Variants in LRBA observed in about 807,000 individuals in gnomAD.
LRBA encodes lipopolysaccharide-responsive and beige-like anchor protein.
In LRBA, 176 loss-of-function variants were observed where a neutral mutation model predicts 330.0. The ratio of observed to expected loss-of-function variants is 0.53; its 90% CI spans 0.47 to 0.60. The LOEUF is 0.60. LRBA is among the 20% of genes least tolerant of loss of function. LRBA has a pLI of 0.00. For synonymous variants in LRBA, 1,230 were observed against 1,193.0 expected, an observed-to-expected ratio of 1.03 and a Z score of -0.64; for missense variants, 3,259 against 3,444.8, an observed-to-expected ratio of 0.95 and a Z score of 1.35.
chr4:150,335,284 T>C (rs143258089), intron 48 of LRBA, among the ~76,000 whole-genome samples: 3 of 151,716 alleles, frequency 2.0e-5, no homozygotes, highest in Non-Finnish European at 4.4e-5. Flanking sequence ...TTAAAATGAG[T>C]TGAATACACC....
At chr4:150,429,200 G>T (rs1750043533) in intron 46 of LRBA, among the ~76,000 whole-genome samples, 1 of 151,950 alleles carries the variant, frequency 6.6e-6, no homozygotes, top group African/African-American at 2.4e-5. Context: ...TTTAAATAGG[G>T]AGGAGAGAGA....
At chr4:150,646,959 T>C (rs906661086) in intron 37 of LRBA, among the ~76,000 whole-genome samples, 5 of 152,034 alleles carry the variant, frequency 3.3e-5, no homozygotes, top group African/African-American at 1.2e-4. Flanking sequence ...AGAAAAGAGA[T>C]ATTCAGTGTG....
intron 33 of LRBA, among the ~76,000 whole-genome samples, chr4:150,801,576 C>T (rs150977883): frequency 1.8e-3 from 273 of 152,268 alleles, no homozygotes; most frequent in African/African-American, 6.0e-3. Context: ...TGCACACCTG[C>T]CTTTAGCATT....
chr4:150,759,474 C>A (rs1734769910), intron 35 of LRBA, among the ~76,000 whole-genome samples: 1 of 152,174 alleles, frequency 6.6e-6, no homozygotes, highest in Non-Finnish European at 1.5e-5. Flanking sequence ...CTTTTCCATA[C>A]ATGCCCCTTT....
chr4:150,403,995 G>A (rs1745833972), intron 47 of LRBA, among the ~76,000 whole-genome samples: 1 of 152,086 alleles, frequency 6.6e-6, no homozygotes, highest in Non-Finnish European at 1.5e-5. Context: ...TTGTGCCACT[G>A]TACTCCAGCC....
At chr4:150,832,906 A>T (rs986120253) in intron 28 of LRBA, among the ~76,000 whole-genome samples, 2 of 152,092 alleles carry the variant, frequency 1.3e-5, no homozygotes, top group African/African-American at 4.8e-5. Context: ...AGTAGCTAGG[A>T]CTACAAGAAT....
intron 33 of LRBA, 86 bp from the exon 34 acceptor site, chr4:150,798,228 T>C: frequency 1.1e-6 from 1 of 887,628 alleles, no homozygotes; most frequent in Non-Finnish European, 1.9e-6. Context: ...TTTCTTCAAA[T>C]TATTTTTTCA....
chr4:150,621,288 T>A (rs1056648171), intron 37 of LRBA, among the ~76,000 whole-genome samples: 28 of 152,188 alleles, frequency 1.8e-4, no homozygotes, highest in Admixed American at 3.9e-4. Context: ...TAAGCTAATT[T>A]TTTTAACTTT....
intron 31 of LRBA, among the ~76,000 whole-genome samples, chr4:150,811,102 C>A (rs1560852145): frequency 6.6e-6 from 1 of 152,302 alleles, no homozygotes; most frequent in Middle Eastern, 3.4e-3. Flanking sequence ...CAGTAAAGTA[C>A]TTCACAGACC....
chr4:150,315,548 G>A lies in LRBA; in HGVS notation c.7693+13C>T, dbSNP rs573353661. 5.0e-5 allele frequency: 81 copies of A among 1,609,052 alleles called. 1 individual carries two copies. The South Asian group carries it at 7.5e-4, about 15-fold the overall frequency. ...AGCTTAATGAATCGCAAAGAGAGAAGGAAGTGACAGACCTATGAGAGGATC... is the reference window on the plus strand; with the variant it reads ...AGCTTAATGAATCGCAAAGAGAGAAAGAAGTGACAGACCTATGAGAGGATC... On this transcript the variant is annotated intron_variant, in intron 51 of 56. Transcript: ENST00000651943.
At chr4:150,406,632 T>C (rs753332024) in intron 47 of LRBA, among the ~76,000 whole-genome samples, 5 of 152,180 alleles carry the variant, frequency 3.3e-5, no homozygotes, top group Non-Finnish European at 7.3e-5. Context: ...GGTTAATTTA[T>C]CAGGAAGACA....
At chr4:150,887,288 T>G (rs1007255734) in intron 17 of LRBA, among the ~76,000 whole-genome samples, 1 of 152,104 alleles carries the variant, frequency 6.6e-6, no homozygotes, top group African/African-American at 2.4e-5. Context: ...AAGATCAAGT[T>G]TATTATACAT....
intron 17 of LRBA, among the ~76,000 whole-genome samples, chr4:150,881,154 A>ATTT (rs1382213991): frequency 3.9e-5 from 6 of 152,314 alleles, no homozygotes; most frequent in Non-Finnish European, 5.9e-5. Flanking sequence ...CAACTCAGCA[A>ATTT]TTTTATTACC....
At chr4:150,342,574 T>C (rs939123260) in intron 48 of LRBA, among the ~76,000 whole-genome samples, 1 of 152,216 alleles carries the variant, frequency 6.6e-6, no homozygotes, top group African/African-American at 2.4e-5. Flanking sequence ...AAAAGTTTAA[T>C]GTGCTGCAGG....
intron 35 of LRBA, among the ~76,000 whole-genome samples, chr4:150,743,222 GGCCTTCCAGGGT>G (rs1165265649): frequency 2.0e-5 from 3 of 152,120 alleles, no homozygotes; most frequent in Non-Finnish European, 2.9e-5. Context: ...CACTTGCTTT[GGCCTTCCAGGGT>G]GCTGGGATTA....
At chr4:150,897,037 A>G (rs1730162386) in intron 15 of LRBA, among the ~76,000 whole-genome samples, 1 of 151,608 alleles carries the variant, frequency 6.6e-6, no homozygotes, top group African/African-American at 2.4e-5. Context: ...ATTGGAAAAC[A>G]AAAAACAGTA....
At chr4:150,398,769 G>A (rs112323602) in intron 47 of LRBA, among the ~76,000 whole-genome samples, 19 of 152,014 alleles carry the variant, frequency 1.2e-4, no homozygotes, top group African/African-American at 4.3e-4. Flanking sequence ...TGGAACTACC[G>A]GCATGTGCTA....
At chr4:150,887,670 G>A (rs1560963862) in intron 17 of LRBA, among the ~76,000 whole-genome samples, 1 of 150,858 alleles carries the variant, frequency 6.6e-6, no homozygotes, top group Non-Finnish European at 1.5e-5. Context: ...TCAGGAGGCT[G>A]AGGCAGGAGA....
At chr4:150,512,504 A>G (rs1761931016) in intron 40 of LRBA, among the ~76,000 whole-genome samples, 1 of 152,124 alleles carries the variant, frequency 6.6e-6, no homozygotes. Context: ...TTATAATAAG[A>G]GACTCCAGAA....
Sources: allele counts gnomAD v4.1 joint callset (sites outside exome capture counted in the v4.1 genomes callset), GRCh38; gene constraint gnomAD v4.1.1; transcripts MANE v1.5; gene names NCBI Gene and HGNC (gene_info 2026-07-23, HGNC 2026-07-21).